STOX2: variants seen among roughly 807,000 people sequenced by gnomAD.
STOX2 encodes the protein storkhead-box protein 2.
Under a neutral mutation model 60.9 loss-of-function variants are expected in STOX2, and 28 were observed. The ratio of observed to expected loss-of-function variants is 0.46; its 90% CI spans 0.34 to 0.63. The LOEUF is 0.63. Among genes scored for constraint, STOX2 ranks in the 30% least tolerant of loss-of-function variants. STOX2 has a pLI of 0.01. For synonymous variants in STOX2, 472 were observed against 463.9 expected, an observed-to-expected ratio of 1.02 and a Z score of -0.22; for missense variants, 1,024 against 1,187.7, an observed-to-expected ratio of 0.86 and a Z score of 2.03.
Position 183,883,096 on chromosome 4 carries a change from T to C in STOX2, c.364+85041T>C, listed in dbSNP as rs148075906. The stretch of plus-strand genomic sequence containing the variant: ...CAAACCCAATATCCGGCTTCAGCAA[T>C]GTCATCATGTTTCATTTATATCCCC... On this transcript the variant is annotated intron_variant, in intron 1 of 2. Coordinates refer to the STOX2 transcript ENST00000513034. Among the ~76,000 whole-genome samples, 409 of 152,100 alleles carry C rather than the reference T, an allele frequency of 2.7e-3. 1 individual carries two copies. The highest frequency in any genetic ancestry group is 9.5e-3 in the African/African-American group (394 of 41,464).
intron 1 of STOX2, among the ~76,000 whole-genome samples, chr4:183,900,259 A>T (rs2111072741): frequency 6.6e-6 from 1 of 152,356 alleles, no homozygotes; most frequent in South Asian, 2.1e-4. Context: ...TTCATGCCTG[A>T]TAACACAACG....
chr4:183,863,073 C>T (rs1019365748), intron 1 of STOX2, among the ~76,000 whole-genome samples: 1 of 152,170 alleles, frequency 6.6e-6, no homozygotes, highest in Non-Finnish European at 1.5e-5. Flanking sequence ...CCAACTCCTG[C>T]AGGAAGCAGG....
rs539744337 is a variant in STOX2, at chr4:183,869,748, A to C, written c.364+71693A>C. 1.9e-3 allele frequency among the ~76,000 whole-genome samples: 288 copies of C among 152,344 alleles called. 3 individuals carry two copies. The Middle Eastern group carries it at 0.024, about 13-fold the overall frequency. ...ATTCTGTAACTGTGTAAGTAGAAAC[A>C]ATCAGTGACTATTTAAAGCTATGTA... On this transcript the variant is annotated intron_variant, in intron 1 of 2. Coordinates refer to the STOX2 transcript ENST00000513034.
intron 1 of STOX2, among the ~76,000 whole-genome samples, chr4:183,798,224 G>A (rs1410608764): frequency 1.3e-5 from 2 of 151,478 alleles, no homozygotes; most frequent in African/African-American, 4.8e-5. Context: ...TGCGAGCGTG[G>A]GATTGGGGAA....
chr4:184,006,822 C>T (rs1387773526), intron 2 of STOX2, among the ~76,000 whole-genome samples: 1 of 150,780 alleles, frequency 6.6e-6, no homozygotes, highest in Non-Finnish European at 1.5e-5. Context: ...CGAAACCATC[C>T]CGGCTAAAAC....
chr4:184,012,135 G>A (rs1441707756), intron 3 of STOX2, among the ~76,000 whole-genome samples: 1 of 152,260 alleles, frequency 6.6e-6, no homozygotes, highest in Non-Finnish European at 1.5e-5. Flanking sequence ...TGTTAGTTCA[G>A]CAAAGGGTTG....
At chr4:183,813,413 G>A (rs1739083171) in intron 1 of STOX2, among the ~76,000 whole-genome samples, 1 of 152,094 alleles carries the variant, frequency 6.6e-6, no homozygotes, top group African/African-American at 2.4e-5. Context: ...AGCCAATGTA[G>A]TCTAACAACT....
chr4:183,906,980 C>A, intron 1 of STOX2, 24 bp downstream of exon 1: 2 of 1,506,210 alleles, frequency 1.3e-6, no homozygotes, highest in South Asian at 2.5e-5. Flanking sequence ...CGCGTTTCTG[C>A]CCCCGGGCCG....
intron 1 of STOX2, among the ~76,000 whole-genome samples, chr4:183,889,777 C>T (rs1741164461): frequency 6.6e-6 from 1 of 152,186 alleles, no homozygotes; most frequent in Admixed American, 6.5e-5. Context: ...TCTACACCTG[C>T]CTCCTTTCCA....
At chr4:183,982,964 A>G (rs2111190299) in intron 1 of STOX2, among the ~76,000 whole-genome samples, 2 of 152,246 alleles carry the variant, frequency 1.3e-5, no homozygotes, top group South Asian at 4.2e-4. Flanking sequence ...GAAACCTTTA[A>G]TGCCATTCTC....
chr4:183,814,828 A>G (rs917894065), intron 1 of STOX2, among the ~76,000 whole-genome samples: 1 of 152,202 alleles, frequency 6.6e-6, no homozygotes, highest in Non-Finnish European at 1.5e-5. Context: ...GTGAATATTA[A>G]TAGTGGTTGG....
At chr4:183,917,350 G>A (rs1560881253) in intron 1 of STOX2, among the ~76,000 whole-genome samples, 1 of 152,262 alleles carries the variant, frequency 6.6e-6, no homozygotes, top group Non-Finnish European at 1.5e-5. Context: ...CCACCGGGTT[G>A]TAGAGATGTG....
chr4:183,971,050 T>C lies in STOX2; in HGVS notation c.167-30275T>C, dbSNP rs1743727920. Among the ~76,000 whole-genome samples, 4 of 152,332 alleles carry C rather than the reference T, an allele frequency of 2.6e-5. No homozygotes were observed. The South Asian group carries it at 8.3e-4, about 32-fold the overall frequency. ...ATTTTGGGGTCAGGTTATTTGTACATGGTAGTGTAACTGTCAAGATGTAAT... is the reference window on the plus strand; with the variant it reads ...ATTTTGGGGTCAGGTTATTTGTACACGGTAGTGTAACTGTCAAGATGTAAT... On this transcript the variant is annotated intron_variant, in intron 1 of 3. Transcript: ENST00000308497.
intron 1 of STOX2, among the ~76,000 whole-genome samples, chr4:183,936,609 A>G (rs1212975962): frequency 6.6e-6 from 1 of 152,218 alleles, no homozygotes; most frequent in Non-Finnish European, 1.5e-5. Context: ...AGAATAAATG[A>G]AAAACCTAGA....
At chr4:183,928,577 G>A (rs927241586) in intron 1 of STOX2, among the ~76,000 whole-genome samples, 2 of 152,112 alleles carry the variant, frequency 1.3e-5, no homozygotes, top group African/African-American at 2.4e-5. Context: ...TTTTGCTGAG[G>A]CACAAAAATT....
intron 1 of STOX2, among the ~76,000 whole-genome samples, chr4:183,872,316 A>C (rs1320782083): frequency 1.3e-5 from 2 of 152,286 alleles, no homozygotes; most frequent in East Asian, 3.9e-4. Context: ...TCGGCCTCCC[A>C]AAGTGCTGGG....
rs560732851 is a variant in STOX2, at chr4:183,984,224, G to A, written c.167-17101G>A. Among the ~76,000 whole-genome samples the A allele has an allele frequency of 4.6e-5, 7 of 152,324 alleles. No individual in the cohort carries two copies. In the East Asian group the frequency reaches 1.3e-3, roughly 29 times the overall value. On this transcript the variant is annotated intron_variant, in intron 1 of 3. Transcript: ENST00000308497. ...ATGGAGCTTATGTTATGACATATGG[G>A]CTGTGCTTTCTCTTTTCTTTCACCT...
chr4:183,861,729 G>T (rs151269904), intron 1 of STOX2, among the ~76,000 whole-genome samples: 2 of 152,194 alleles, frequency 1.3e-5, no homozygotes, highest in Non-Finnish European at 1.5e-5. Flanking sequence ...CTCGCAGGGC[G>T]TAGGGCTCAT....
chr4:183,873,446 CAAA>C (rs11453864), intron 1 of STOX2, among the ~76,000 whole-genome samples: 7 of 112,214 alleles, frequency 6.2e-5, no homozygotes, highest in African/African-American at 1.0e-4. Context: ...AACTCTGTCT[CAAA>C]AAAAAAAAAA....
Sources: gnomAD v4.1 joint callset for allele counts (sites outside exome capture counted in the v4.1 genomes callset) on GRCh38, gnomAD v4.1.1 for gene constraint, MANE v1.5 for transcripts, NCBI Gene and HGNC (gene_info 2026-07-23, HGNC 2026-07-21) for gene names.